DERL3: variants seen among roughly 807,000 people sequenced by gnomAD.
DERL3 encodes the protein derlin 3.
In DERL3, 20 loss-of-function variants were observed where a neutral mutation model predicts 23.8. The ratio of observed to expected loss-of-function variants is 0.84; its 90% CI spans 0.59 to 1.22. The LOEUF is 1.22. Among genes scored for constraint, DERL3 ranks in the 50% most tolerant of loss-of-function variants. The pLI, the probability that DERL3 is intolerant of heterozygous loss-of-function variation, is 0.00. For missense variants in DERL3, 319 were observed against 304.1 expected, an observed-to-expected ratio of 1.05 and a Z score of -0.36; for synonymous variants, 145 against 132.5, an observed-to-expected ratio of 1.09 and a Z score of -0.65.
Position 23,838,973 on chromosome 22 carries a change from T to C in DERL3, c.15A>G (p.Gly5=). 1 of 1,574,254 alleles carries C rather than the reference T, an allele frequency of 6.4e-7. No homozygotes were observed. Among genetic ancestry groups the C allele is most frequent in the Non-Finnish European group, 8.6e-7 (1 of 1,159,830 alleles). Residue 5 remains glycine (G), a synonymous_variant, in exon 1 of 7, where the codon GGA becomes GGG. Transcript: ENST00000318109. ...GCACCTGCAGGAACTCGGCCGCTAG[T>C]CCCTGCCACGCCATTGAACCTTCTC... MAWQ[G]LAAEFLQVPA...
Position 23,837,124 on chromosome 22 carries a change from A to G in DERL3, c.554T>C (p.Leu185Pro), listed in dbSNP as rs755702007. 9 of 1,613,972 alleles carry G rather than the reference A, an allele frequency of 5.6e-6. No homozygotes were observed. In the East Asian group the frequency reaches 2.0e-4, roughly 36 times the overall value. The change falls in exon 6 of 7, where the codon CTG (leucine) becomes CCG (proline). Residue 185 changes from leucine to proline, a missense_variant. Transcript: ENST00000318109. ...GIAVGHIYYF[L>P]EDVFPNQPGG... ...AGGCTGGTTGGGGAAGACGTCCTCC[A>G]GGAAGTAGTAGATATGGCCCACCGC...
Position 23,836,326 on chromosome 22 carries a change from G to A in DERL3, c.*543C>T, listed in dbSNP as rs1282304484. 44 of 985,424 alleles carry A rather than the reference G, an allele frequency of 4.5e-5. No homozygotes were observed. Among genetic ancestry groups the A allele is most frequent in the Non-Finnish European group, 5.2e-5 (43 of 829,992 alleles). 61.0% of individuals were successfully genotyped at this position (985,424 alleles called of 1,614,324 possible). On this transcript the variant is annotated 3_prime_UTR_variant, in exon 7 of 7. Transcript: ENST00000318109. ...TGTCAGGGTGGCTGATGAGAGACAG[G>A]AGAGGCTAGATTGGCATCAGCCTGA... is the stretch of plus-strand genomic sequence containing the variant.
rs1376452384 is a variant in DERL3 at position 23,836,207 on chromosome 22, TAGAA to T, written c.*658_*661del. On this transcript the variant is annotated 3_prime_UTR_variant, in exon 7 of 7. Transcript: ENST00000318109. ...GGTGAAAACTTAGGCTCTGAGGTCA[TAGAA>T]AGGGCAGAAGACCTAGTCCTGGCCC... 2 of 985,292 alleles carry T rather than the reference TAGAA, an allele frequency of 2.0e-6. No individual in the cohort carries two copies. The highest frequency in any genetic ancestry group is 4.7e-5 in the South Asian group (1 of 21,290). 61.0% of individuals were successfully genotyped at this position (985,292 alleles called of 1,614,324 possible).
In DERL3 at chr22:23,838,352, G is replaced by T; in HGVS notation, c.327C>A (p.Thr109=). The change falls in exon 4 of 7, where the codon ACC becomes ACA. Residue 109 remains threonine (T), a splice_region_variant and synonymous_variant. Coordinates refer to ENST00000318109, the MANE Select transcript of DERL3 (RefSeq NM_001002862.3). ...GTTCCAGAGCCTGCGGGAAGGATAC[G>T]GTCATAAGGACGCCCCCGAAGAGAA... ...FMFLFGGVLM[T]LLGLLGSLFF... 5 of 1,602,898 alleles carry T rather than the reference G, an allele frequency of 3.1e-6. No homozygotes were observed. The highest frequency in any genetic ancestry group is 4.3e-6 in the Non-Finnish European group (5 of 1,174,978).
In DERL3 at chr22:23,836,420, G is replaced by A; in HGVS notation, c.*449C>T. On this transcript the variant is annotated 3_prime_UTR_variant, in exon 7 of 7. Coordinates refer to ENST00000318109, the MANE Select transcript of DERL3 (RefSeq NM_001002862.3). Reference sequence around the variant, plus strand: ...CTAGGAGACGCCTGTCCTGGCCCCAGCAGCCGAAATCTGGTGAACTTCCCC... The same window carrying A: ...CTAGGAGACGCCTGTCCTGGCCCCAACAGCCGAAATCTGGTGAACTTCCCC... The A allele has an allele frequency of 1.0e-6, 1 of 988,034 alleles. No individual in the cohort carries two copies. Among genetic ancestry groups the A allele is most frequent in the Non-Finnish European group, 1.2e-6 (1 of 831,854 alleles). The allele number at this position is 988,034 out of a possible 1,614,324, so 61.2% of individuals were successfully genotyped here.
In DERL3 at chr22:23,835,994, C is replaced by A. The variant is rs1423414176; in HGVS notation, c.*875G>T. 2.8e-5 allele frequency: 28 copies of A among 985,358 alleles called. No individual in the cohort carries two copies. The highest frequency in any genetic ancestry group is 5.2e-5 in the African/African-American group (3 of 57,238). 61.0% of individuals were successfully genotyped at this position (985,358 alleles called of 1,614,324 possible). A position where few individuals can be genotyped will look rare whatever the true frequency, so the allele number is the denominator to read the frequency against. ...GACAACCTGTCTTTGGAGGAGGCCC[C>A]GTGCCACTGAGCATCCAGAAATAAA... is the stretch of plus-strand genomic sequence containing the variant. On this transcript the variant is annotated 3_prime_UTR_variant, in exon 7 of 7. Transcript: ENST00000318109.
rs201728838 is a variant in DERL3 at position 23,838,780 on chromosome 22, T to C, written c.94-4A>G. 1 of 1,551,266 alleles carries C rather than the reference T, an allele frequency of 6.4e-7. No individual in the cohort carries two copies. Among genetic ancestry groups the C allele is most frequent in the East Asian group, 2.4e-5 (1 of 40,884 alleles). On this transcript the variant is annotated splice_region_variant and splice_polypyrimidine_tract_variant and intron_variant, in intron 1 of 6. Coordinates refer to ENST00000318109, the MANE Select transcript of DERL3 (RefSeq NM_001002862.3). ...AGGGGCTGAGGAGCTCCAGCTGCTG[T>C]GGAACCAGGGGCCAGTCAAGAGCTG...
Position 23,838,461 on chromosome 22 carries a change from A to G in DERL3, c.234-16T>C. ...GTAGCGGAACCTACGGCGTCGGTATAGGAAGTGCCACCAGGCGGGGCCTCA... is the reference window on the plus strand; with the variant it reads ...GTAGCGGAACCTACGGCGTCGGTATGGGAAGTGCCACCAGGCGGGGCCTCA... On this transcript the variant is annotated splice_polypyrimidine_tract_variant and intron_variant, in intron 3 of 6. Transcript: ENST00000318109. 1 of 1,593,232 alleles carries G rather than the reference A, an allele frequency of 6.3e-7. No individual in the cohort carries two copies. The highest frequency in any genetic ancestry group is 8.5e-7 in the Non-Finnish European group (1 of 1,170,022).
rs190224314 is a variant in DERL3 at position 23,837,969 on chromosome 22, C to T, written c.328-115G>A. On this transcript the variant is annotated intron_variant, in intron 4 of 6. Coordinates refer to ENST00000318109, the MANE Select transcript of DERL3 (RefSeq NM_001002862.3). ...TCTCCCCTATGTGCTATTCCCTCAT[C>T]AAGATGAGCCAGTCCAATAAAGGCG... 145 of 1,270,228 alleles carry T rather than the reference C, an allele frequency of 1.1e-4. No individual in the cohort carries two copies. The African/African-American group carries it at 1.9e-3, about 17-fold the overall frequency. 78.7% of individuals were successfully genotyped at this position (1,270,228 alleles called of 1,614,324 possible).
At position 23,838,933 on chromosome 22, in the gene DERL3, C is replaced by A. The variant is rs781340381; in HGVS notation, c.55G>T (p.Ala19Ser). 18 of 1,579,894 alleles carry A rather than the reference C, an allele frequency of 1.1e-5. No individual in the cohort carries two copies. The African/African-American group carries it at 1.9e-4, about 17-fold the overall frequency. ...GTGAGGACACAGGCTGCGGTGTAAG[C>A]CCGCGTCACCGCCGGCACCTGCAGG... ...EFLQVPAVTR[A>S]YTAACVLTTA... The change falls in exon 1 of 7, where the codon GCT (alanine) becomes TCT (serine). Residue 19 changes from alanine (A) to serine (S), a missense_variant. Coordinates refer to ENST00000318109, the MANE Select transcript of DERL3 (RefSeq NM_001002862.3).
rs1448786740 is a variant in DERL3, at chr22:23,838,403, G to A, written c.276C>T (p.Gly92=). The change falls in exon 4 of 7, where the codon GGC becomes GGT. Residue 92 remains glycine (G), a synonymous_variant. Coordinates refer to ENST00000318109, the MANE Select transcript of DERL3 (RefSeq NM_001002862.3). ...CRMLEEGSFR[G]RTADFVFMFL... ...ACATGAAGACGAAGTCGGCCGTGCG[G>A]CCGCGGAAGGAGCCCTCTTCCAGCA... 6.2e-7 allele frequency: 1 copy of A among 1,610,110 alleles called. No homozygotes were observed. Among genetic ancestry groups the A allele is most frequent in the East Asian group, 2.2e-5 (1 of 44,724 alleles).
chr22:23,835,096 G>A lies in DERL3; in HGVS notation c.*1773C>T, dbSNP rs2146050535. 1.4e-6 allele frequency: 2 copies of A among 1,397,352 alleles called. No homozygotes were observed. The highest frequency in any genetic ancestry group is 5.4e-5 in the East Asian group (2 of 37,372). 86.6% of individuals were successfully genotyped at this position (1,397,352 alleles called of 1,614,324 possible). A position where few individuals can be genotyped will look rare whatever the true frequency, so the allele number is the denominator to read the frequency against. On this transcript the variant is annotated 3_prime_UTR_variant, in exon 7 of 7. Transcript: ENST00000318109. ...CCAGCTCCTGCCTTACAAGCCAGCT[G>A]TGAGGAATATGGGAATAGCCCTCCC...
intron 5 of DERL3, 79 bp downstream of exon 5, chr22:23,837,580 G>T: frequency 6.9e-7 from 1 of 1,439,630 alleles, no homozygotes; most frequent in South Asian, 1.3e-5. Context: ...AAGGATGGGA[G>T]AGGGGCCCCA....
intron 4 of DERL3, 62 bp downstream of exon 4, chr22:23,838,290 C>G (rs2031267258): frequency 6.4e-7 from 1 of 1,555,786 alleles, no homozygotes; most frequent in Admixed American, 1.9e-5. Flanking sequence ...GGCCCCAGGA[C>G]CAACACAGGC....
rs1282240231 is a variant in DERL3 at position 23,835,851 on chromosome 22, G to A, written c.*1018C>T. On this transcript the variant is annotated 3_prime_UTR_variant, in exon 7 of 7. Coordinates refer to ENST00000318109, the MANE Select transcript of DERL3 (RefSeq NM_001002862.3). ...GGGCCACCTGGCTGGGAGGTGCCGG[G>A]AAGGCTGGGCCCTCACTCCTGACCG... 2 of 982,518 alleles carry A rather than the reference G, an allele frequency of 2.0e-6. No homozygotes were observed. The highest frequency in any genetic ancestry group is 1.8e-5 in the African/African-American group (1 of 56,470). 60.9% of individuals were successfully genotyped at this position (982,518 alleles called of 1,614,324 possible).
rs45493895 is a variant in DERL3, at chr22:23,837,215, A to G, written c.524-61T>C. The G allele has an allele frequency of 1.9e-6, 3 of 1,581,288 alleles. No homozygotes were observed. In the African/African-American group the frequency reaches 4.1e-5, roughly 21 times the overall value. Reference sequence around the variant, plus strand: ...ACAGCCCAGAGTCCTAGACCAGCAGAGCCTGCCCCAGGCCCCCATCCACAG... The same window carrying G: ...ACAGCCCAGAGTCCTAGACCAGCAGGGCCTGCCCCAGGCCCCCATCCACAG... On this transcript the variant is annotated intron_variant, in intron 5 of 6. Transcript: ENST00000318109.
At chr22:23,837,352 C>T in intron 5 of DERL3, 198 bp from the exon 6 acceptor site, 1 of 730,638 alleles carries the variant, frequency 1.4e-6, no homozygotes, top group East Asian at 2.7e-5. Context: ...CAGGCAGGAC[C>T]CAGGGAGGGG....
chr22:23,838,739 T>A lies in DERL3; in HGVS notation c.131A>T (p.Asn44Ile), dbSNP rs778954306. Residue 44 changes from asparagine to isoleucine, a missense_variant, in exon 2 of 7, where the codon AAC becomes ATC. Transcript: ENST00000318109. ...ELLSPFQLYF[N>I]PHLVFRKFQV... is the part of the protein sequence containing the mutation. ...GAACTTCCGGAACACAAGGTGCGGG[T>A]TGAAGTAGAGTTGAAAGGGGCTGAG... 2.6e-6 allele frequency: 4 copies of A among 1,550,760 alleles called. No homozygotes were observed. The South Asian group carries it at 3.6e-5, about 14-fold the overall frequency.
In DERL3 at chr22:23,835,649, G is replaced by A. The variant is rs1338807922; in HGVS notation, c.*1220C>T. 7 of 985,420 alleles carry A rather than the reference G, an allele frequency of 7.1e-6. No individual in the cohort carries two copies. The Admixed American group carries it at 3.1e-4, about 43-fold the overall frequency. The allele number at this position is 985,420 out of a possible 1,614,324, so 61.0% of individuals were successfully genotyped here. ...CAGCTGGGCCTTACTGGAAGGCCTT[G>A]AACAAAGGGGAAGATTCCCAGCCCA... On this transcript the variant is annotated 3_prime_UTR_variant, in exon 7 of 7. Transcript: ENST00000318109.
Sources: gnomAD v4.1 joint callset for allele counts on GRCh38, gnomAD v4.1.1 for gene constraint, MANE v1.5 for transcripts, NCBI Gene and HGNC (gene_info 2026-07-23, HGNC 2026-07-21) for gene names.